CCDC141: variants seen among roughly 807,000 people sequenced by gnomAD.
CCDC141 encodes the protein coiled-coil domain-containing protein 141.
CCDC141 carries 168 observed loss-of-function variants against 181.0 expected under a neutral mutation model. The observed-to-expected ratio is 0.93, with a 90% CI of 0.82 to 1.05. The LOEUF (loss-of-function observed/expected upper bound fraction) is 1.05, where lower values mean the gene tolerates loss of function less well. CCDC141 is among the 50% of genes least tolerant of loss of function. CCDC141 has a pLI of 0.00. For missense variants in CCDC141, 1,902 were observed against 1,788.5 expected (o/e 1.06, Z -1.14); for synonymous variants, 666 against 642.3 (o/e 1.04, Z -0.56).
intron 16 of CCDC141, among the ~76,000 whole-genome samples, 191 bp downstream of exon 16, chr2:178,867,835 T>C (rs1685920619): frequency 6.6e-6 from 1 of 152,222 alleles, no homozygotes. Context: ...AACAAGACTT[T>C]TACATTCAGA....
At chr2:178,856,496 A>G (rs2154367653) in intron 17 of CCDC141, 99 bp from the exon 18 acceptor site, 1 of 865,522 alleles carries the variant, frequency 1.2e-6, no homozygotes, top group South Asian at 2.8e-5. Context: ...AATACTCATA[A>G]TCTTAAAAAG....
intron 7 of CCDC141, among the ~76,000 whole-genome samples, chr2:178,918,216 C>T (rs1230810082): frequency 6.6e-6 from 1 of 151,864 alleles, no homozygotes; most frequent in African/African-American, 2.4e-5. Context: ...TTGAGGCCAG[C>T]CTGCACAACA....
In CCDC141 at chr2:178,872,204, A is replaced by C. The variant is rs1169144476; in HGVS notation, c.2008T>G (p.Trp670Gly). The C allele has an allele frequency of 6.2e-7, 1 of 1,613,904 alleles. No homozygotes were observed. Among genetic ancestry groups the C allele is most frequent in the Non-Finnish European group, 8.5e-7 (1 of 1,179,978 alleles). The change falls in exon 13 of 24, where the codon TGG becomes GGG. Residue 670 changes from tryptophan (W) to glycine (G), a missense_variant. Trp to Gly is a radical substitution (Grantham distance 184). Coordinates refer to ENST00000443758, the MANE Select transcript of CCDC141 (RefSeq NM_173648.4). Reference sequence around the variant, plus strand: ...TTGCTTTCCGTGGCTTTAAGCTGCCATGCCAGCCGAAGGAGGCTAAGTTCT... The same window carrying C: ...TTGCTTTCCGTGGCTTTAAGCTGCCCTGCCAGCCGAAGGAGGCTAAGTTCT... Reference protein sequence around the residue: ...REELSLLRLAWQLKATESKPG... With the variant: ...REELSLLRLAGQLKATESKPG...
rs984549443 is a variant in CCDC141, at chr2:179,026,376, C to A, written c.225+20908G>T. ...GGCCAACATAGAGCTCAGGCCATGG[C>A]TTCAGAGGGTGCAAGCCTCAAGCCC... On this transcript the variant is annotated intron_variant, in intron 2 of 23. Coordinates refer to ENST00000443758, the MANE Select transcript of CCDC141 (RefSeq NM_173648.4). Among the ~76,000 whole-genome samples the A allele has an allele frequency of 4.2e-4, 64 of 152,188 alleles. 2 individuals are homozygous for A. Among genetic ancestry groups the A allele is most frequent in the Non-Finnish European group, 8.8e-5 (6 of 68,032 alleles).
chr2:178,826,321 A>G (rs1411380980), downstream of CCDC141, among the ~76,000 whole-genome samples: 1 of 152,122 alleles, frequency 6.6e-6, no homozygotes, highest in Non-Finnish European at 1.5e-5. Flanking sequence ...GTTAGATTTA[A>G]CTTATTAGTG....
intron 5 of CCDC141, among the ~76,000 whole-genome samples, chr2:178,949,502 C>T (rs1445175261): frequency 6.6e-6 from 1 of 152,124 alleles, no homozygotes; most frequent in East Asian, 1.9e-4. Context: ...TTTTCCTGCT[C>T]ATTATATACA....
chr2:178,907,132 G>A lies in CCDC141; in HGVS notation c.1093-1631C>T, dbSNP rs548157575. ...ATAATAACTATAGTTTAATAAGAACGGACTACATGCTTGCTTCAATACTGT... is the reference window on the plus strand; with the variant it reads ...ATAATAACTATAGTTTAATAAGAACAGACTACATGCTTGCTTCAATACTGT... On this transcript the variant is annotated intron_variant, in intron 7 of 23. Coordinates refer to ENST00000443758, the MANE Select transcript of CCDC141 (RefSeq NM_173648.4). Among the ~76,000 whole-genome samples, 9 of 152,118 alleles carry A rather than the reference G, an allele frequency of 5.9e-5. No homozygotes were observed. The East Asian group carries it at 1.3e-3, about 23-fold the overall frequency.
chr2:178,942,620 G>A (rs1689568817), intron 6 of CCDC141, among the ~76,000 whole-genome samples: 1 of 152,092 alleles, frequency 6.6e-6, no homozygotes, highest in Admixed American at 6.5e-5. Context: ...CCCATAGAAT[G>A]TACAACACCA....
chr2:178,909,485 C>A lies in CCDC141; in HGVS notation c.1093-3984G>T, dbSNP rs1688126193. Among the ~76,000 whole-genome samples the A allele has an allele frequency of 6.6e-5, 10 of 152,190 alleles. 1 individual carries two copies. Among genetic ancestry groups the A allele is most frequent in the Admixed American group, 6.5e-4 (10 of 15,290 alleles). On this transcript the variant is annotated intron_variant, in intron 7 of 23. Transcript: ENST00000443758. ...ACCAACCCGTAATAGGAATAATCTG[C>A]AGACATAGAAATAAGAGTTAAATTT...
chr2:178,910,226 C>T (rs1688161994), intron 7 of CCDC141, among the ~76,000 whole-genome samples: 1 of 152,246 alleles, frequency 6.6e-6, no homozygotes, highest in East Asian at 1.9e-4. Context: ...AAACAAGAGC[C>T]GTGAGTCATC....
chr2:179,042,175 C>T (rs1372216517), intron 2 of CCDC141, among the ~76,000 whole-genome samples: 2 of 152,158 alleles, frequency 1.3e-5, no homozygotes, highest in African/African-American at 4.8e-5. Context: ...AAGTAAAACA[C>T]TCCTCAGCCA....
In CCDC141 at chr2:178,981,701, GAA is replaced by G. The variant is rs140971165; in HGVS notation, c.226-3028_226-3027del. ...ATATATATAGAGAGAGAGAGAGAGAGAAAAAAAAACCTAAATCAGTCTTCTGA... is the reference window on the plus strand; with the variant it reads ...ATATATATAGAGAGAGAGAGAGAGAGAAAAAAACCTAAATCAGTCTTCTGA... On this transcript the variant is annotated intron_variant, in intron 2 of 23. Coordinates refer to ENST00000443758, the MANE Select transcript of CCDC141 (RefSeq NM_173648.4). Among the ~76,000 whole-genome samples, 229 of 112,396 alleles carry G rather than the reference GAA, an allele frequency of 2.0e-3. 12 individuals carry two copies. Among genetic ancestry groups the G allele is most frequent in the Admixed American group, 5.3e-3 (51 of 9,592 alleles). 73.7% of individuals were successfully genotyped at this position (112,396 alleles called of 152,430 possible).
intron 2 of CCDC141, among the ~76,000 whole-genome samples, chr2:179,041,234 G>T (rs747537101): frequency 7.2e-5 from 11 of 152,066 alleles, no homozygotes; most frequent in Non-Finnish European, 1.5e-4. Flanking sequence ...GGGACTACAG[G>T]CGCCCACCAC....
intron 2 of CCDC141, among the ~76,000 whole-genome samples, chr2:179,010,636 A>G (rs1246510090): frequency 6.6e-6 from 1 of 152,196 alleles, no homozygotes. Flanking sequence ...CCACTACAGG[A>G]ACTGCTAAAA....
At chr2:179,041,617 T>C (rs1382454667) in intron 2 of CCDC141, among the ~76,000 whole-genome samples, 1 of 145,818 alleles carries the variant, frequency 6.9e-6, no homozygotes, top group African/African-American at 2.6e-5. Context: ...AGACACAGAA[T>C]GGCAAGCGGG....
At chr2:178,855,595 C>T (rs557495488) in intron 18 of CCDC141, 54 bp from the exon 19 acceptor site, 54 of 1,260,574 alleles carry the variant, frequency 4.3e-5, no homozygotes, top group East Asian at 1.0e-4. Flanking sequence ...ATTTATGATG[C>T]TAGTGATTAA....
At chr2:178,989,326 G>A (rs1404258444) in intron 2 of CCDC141, among the ~76,000 whole-genome samples, 2 of 152,052 alleles carry the variant, frequency 1.3e-5, no homozygotes, top group Non-Finnish European at 2.9e-5. Context: ...GGGCGCAGTG[G>A]CTCATGCCTG....
chr2:178,967,575 G>C lies in CCDC141; in HGVS notation c.527-6092C>G, dbSNP rs1575279349. Among the ~76,000 whole-genome samples, 3 of 152,144 alleles carry C rather than the reference G, an allele frequency of 2.0e-5. No individual in the cohort carries two copies. The South Asian group carries it at 6.2e-4, about 32-fold the overall frequency. ...TGTCACCACCAGGCCTGCCTTACAA[G>C]AGCTCCTGAAGGAAGCACTAAACAT... On this transcript the variant is annotated intron_variant, in intron 4 of 23. Transcript: ENST00000443758.
intron 8 of CCDC141, among the ~76,000 whole-genome samples, chr2:178,904,074 G>T (rs891692494): frequency 1.1e-4 from 17 of 152,202 alleles, no homozygotes; most frequent in South Asian, 2.1e-4. Context: ...AGAGGAGGAG[G>T]AGGAGGAGTT....
Sources: allele counts gnomAD v4.1 joint callset (sites outside exome capture counted in the v4.1 genomes callset), GRCh38; gene constraint gnomAD v4.1.1; transcripts MANE v1.5; gene names NCBI Gene and HGNC (gene_info 2026-07-23, HGNC 2026-07-21).